The following LRRC69 variants were observed in gnomAD, a reference collection of about 807,000 sequenced individuals.
LRRC69 encodes leucine rich repeat containing 69.
A neutral mutation model predicts 37.8 loss-of-function variants in LRRC69; 42 were observed. That is an observed-to-expected ratio of 1.11 (90% CI 0.87 to 1.44). LRRC69 has a LOEUF of 1.44. Ranked by LOEUF, LRRC69 falls within the 40% of genes most tolerant of loss-of-function variation. The pLI, the probability that LRRC69 is intolerant of heterozygous loss-of-function variation, is 0.00. For synonymous variants in LRRC69, 141 were observed against 143.1 expected (o/e 0.99, Z 0.11); for missense variants, 357 against 401.9 (o/e 0.89, Z 0.96).
intron 6 of LRRC69, among the ~76,000 whole-genome samples, chr8:91,197,192 C>T (rs367696412): frequency 3.1e-4 from 47 of 152,252 alleles, no homozygotes; most frequent in South Asian, 1.2e-3. Flanking sequence ...GGAGGCAGTC[C>T]GCCCATTCTC....
rs1394792371 is a variant in LRRC69 at position 91,134,517 on chromosome 8, G to A, written c.580-1151G>A. 2.0e-5 allele frequency among the ~76,000 whole-genome samples: 3 copies of A among 151,560 alleles called. No individual in the cohort carries two copies. In the East Asian group the frequency reaches 5.8e-4, roughly 29 times the overall value. On this transcript the variant is annotated intron_variant, in intron 4 of 7. Transcript: ENST00000448384. Reference sequence around the variant, plus strand: ...TTTTTCATCAAGTCACTAACTGATAGGATGGTGCCCAGCAACAGTGAACAT... The same window carrying A: ...TTTTTCATCAAGTCACTAACTGATAAGATGGTGCCCAGCAACAGTGAACAT...
chr8:91,121,323 TAC>T (rs1364737414), intron 1 of LRRC69, among the ~76,000 whole-genome samples: 2 of 152,078 alleles, frequency 1.3e-5, no homozygotes, highest in African/African-American at 4.8e-5. Context: ...CTTAAAACCC[TAC>T]AGTCATTTCT....
intron 5 of LRRC69, chr8:91,157,243 G>A (rs1808852190): frequency 7.2e-7 from 1 of 1,384,192 alleles, no homozygotes; most frequent in Admixed American, 1.8e-5. Context: ...TCTGACATTA[G>A]AAAGCACACT....
chr8:91,155,861 GT>G (rs1563607975), intron 5 of LRRC69, among the ~76,000 whole-genome samples: 1 of 138,420 alleles, frequency 7.2e-6, no homozygotes, highest in African/African-American at 3.1e-5. Flanking sequence ...GAATATGTAT[GT>G]GTGTGTATAT....
intron 7 of LRRC69, among the ~76,000 whole-genome samples, chr8:91,208,324 C>T (rs1035390437): frequency 1.3e-5 from 2 of 152,050 alleles, no homozygotes; most frequent in African/African-American, 4.8e-5. Flanking sequence ...GTGAGACACT[C>T]GAAGCCCTGG....
intron 5 of LRRC69, among the ~76,000 whole-genome samples, chr8:91,151,166 A>C (rs1808730139): frequency 6.6e-6 from 1 of 151,462 alleles, no homozygotes; most frequent in South Asian, 2.1e-4. Context: ...TAGTTCTTTT[A>C]ATTGTGATGT....
intron 1 of LRRC69, among the ~76,000 whole-genome samples, chr8:91,124,271 T>G (rs146211619): frequency 6.6e-6 from 1 of 152,176 alleles, no homozygotes; most frequent in African/African-American, 2.4e-5. Context: ...TTAAGTGCTC[T>G]AATTAAAAAT....
intron 5 of LRRC69, among the ~76,000 whole-genome samples, chr8:91,176,134 A>ATATTTTTTTTT: frequency 3.2e-4 from 24 of 75,698 alleles, no homozygotes; most frequent in South Asian, 1.2e-3. Context: ...ATATATATAT[A>ATATTTTTTTTT]TTTTTTTTTT....
chr8:91,215,800 T>C (rs1363700858), intron 7 of LRRC69, among the ~76,000 whole-genome samples: 2 of 152,286 alleles, frequency 1.3e-5, no homozygotes, highest in Non-Finnish European at 2.9e-5. Context: ...TTTTGTTAAT[T>C]GAGGTTTGTG....
chr8:91,152,803 T>C (rs559497644), intron 5 of LRRC69, among the ~76,000 whole-genome samples: 58 of 151,278 alleles, frequency 3.8e-4, no homozygotes, highest in Middle Eastern at 3.4e-3. Flanking sequence ...TCTTATTTCC[T>C]TGAGCAGTGG....
intron 7 of LRRC69, among the ~76,000 whole-genome samples, chr8:91,211,698 A>G (rs1809927943): frequency 6.6e-6 from 1 of 150,754 alleles, no homozygotes; most frequent in Admixed American, 6.6e-5. Flanking sequence ...TCAGAAACTA[A>G]ACTTAGAGAC....
chr8:91,197,068 C>T (rs1319346959), intron 6 of LRRC69, among the ~76,000 whole-genome samples: 2 of 151,806 alleles, frequency 1.3e-5, no homozygotes, highest in African/African-American at 4.8e-5. Context: ...ACAGACAGGA[C>T]CCTCAGCTGC....
At position 91,124,462 on chromosome 8, in the gene LRRC69, A is replaced by T. The variant is rs748733656; in HGVS notation, c.184-31A>T. The T allele has an allele frequency of 3.4e-6, 5 of 1,482,408 alleles. No homozygotes were observed. The South Asian group carries it at 6.8e-5, about 20-fold the overall frequency. The allele number at this position is 1,482,408 out of a possible 1,614,324, so 91.8% of individuals were successfully genotyped here. The stretch of plus-strand genomic sequence containing the variant: ...TTTTTCATTTGAAGTTGGATGATAT[A>T]TGAGTCCATTAAACCTCTATATGTT... On this transcript the variant is annotated intron_variant, in intron 1 of 7. Coordinates refer to ENST00000448384, the Ensembl canonical transcript of LRRC69.
At chr8:91,158,306 A>C (rs1344832048) in intron 5 of LRRC69, 1 of 1,488,298 alleles carries the variant, frequency 6.7e-7, no homozygotes, top group African/African-American at 1.4e-5. Flanking sequence ...CAATCCCAGA[A>C]AGAAACTGGA....
intron 5 of LRRC69, among the ~76,000 whole-genome samples, chr8:91,165,097 G>A (rs553513362): frequency 1.1e-4 from 16 of 151,622 alleles, no homozygotes; most frequent in Non-Finnish European, 2.1e-4. Context: ...GTAATTAGGA[G>A]GAACAATTGG....
intron 1 of LRRC69, among the ~76,000 whole-genome samples, chr8:91,103,069 C>A (rs1037173526): frequency 2.0e-5 from 3 of 152,040 alleles, no homozygotes; most frequent in Admixed American, 2.0e-4. Flanking sequence ...CTCTTTGGCC[C>A]ACATCTGGAG....
chr8:91,191,775 G>C (rs1005783673), intron 6 of LRRC69, among the ~76,000 whole-genome samples: 6 of 152,172 alleles, frequency 3.9e-5, no homozygotes, highest in African/African-American at 1.2e-4. Flanking sequence ...GTCTGTGAGG[G>C]TGGTGAATGA....
At chr8:91,183,600 T>G (rs1809358069) in intron 5 of LRRC69, among the ~76,000 whole-genome samples, 1 of 151,290 alleles carries the variant, frequency 6.6e-6, no homozygotes, top group African/African-American at 2.4e-5. Context: ...TTTAATCAAT[T>G]TGATGAATAT....
chr8:91,159,773 A>G (rs1427372801), intron 5 of LRRC69, among the ~76,000 whole-genome samples: 7 of 151,218 alleles, frequency 4.6e-5, no homozygotes, highest in Non-Finnish European at 8.9e-5. Context: ...AAATATTAAC[A>G]TCTTTCTCAA....
Sources: gnomAD v4.1 joint callset for allele counts (sites outside exome capture counted in the v4.1 genomes callset) on GRCh38, gnomAD v4.1.1 for gene constraint, MANE v1.5 for transcripts, NCBI Gene and HGNC (gene_info 2026-07-23, HGNC 2026-07-21) for gene names.